The following RASGRF1 variants were observed in gnomAD, a reference collection of about 807,000 sequenced individuals.
RASGRF1 encodes the protein Ras protein specific guanine nucleotide releasing factor 1.
Under a neutral mutation model 138.7 loss-of-function variants are expected in RASGRF1, and 40 were observed. The observed-to-expected ratio is 0.29, with a 90% CI of 0.22 to 0.38. The LOEUF is 0.38. Among genes scored for constraint, RASGRF1 ranks in the 10% least tolerant of loss-of-function variants. The pLI, the probability that RASGRF1 is intolerant of heterozygous loss-of-function variation, is 1.00. For missense variants in RASGRF1, 1,108 were observed against 1,650.4 expected, an observed-to-expected ratio of 0.67 and a Z score of 5.69; for synonymous variants, 614 against 663.2, an observed-to-expected ratio of 0.93 and a Z score of 1.14.
chr15:79,001,941 G>A (rs577412460), intron 15 of RASGRF1, among the ~76,000 whole-genome samples, 154 bp from the exon 16 acceptor site: 6 of 152,238 alleles, frequency 3.9e-5, no homozygotes, highest in East Asian at 3.9e-4. Context: ...TTTGTTTCCC[G>A]CAGGACTCAT....
chr15:79,004,069 A>C lies in RASGRF1; in HGVS notation c.2182T>G (p.Ser728Ala). The C allele has an allele frequency of 6.2e-7, 1 of 1,613,966 alleles. No individual in the cohort carries two copies. ...TRKFSSPPPL[S>A]ITKTSSPSRR... ...CTCGGTGACGATGTCTTGGTGATGG[A>C]CAGAGGTGGCGGCGAGGAGAACTTG... Residue 728 changes from serine (S) to alanine (A), a missense_variant, in exon 15 of 27, where the codon TCC (serine) becomes GCC (alanine). Around this residue, in one of 3 missense-constraint regions of RASGRF1, gnomAD observed 686 missense variants for 976.7 expected, o/e 0.70. Coordinates refer to ENST00000558480, the MANE Select transcript of RASGRF1 (RefSeq NM_001145648.3).
rs181450456 is a variant in RASGRF1 at position 79,071,245 on chromosome 15, C to T, written c.277-6719G>A. Among the ~76,000 whole-genome samples, 15 of 152,332 alleles carry T rather than the reference C, an allele frequency of 9.8e-5. No individual in the cohort carries two copies. In the East Asian group the frequency reaches 2.9e-3, roughly 29 times the overall value. On this transcript the variant is annotated intron_variant, in intron 1 of 26. Transcript: ENST00000558480. ...CCTCTGGCATGGATAGGCCAAAGTTCTAGAAAAACTCCACCTCTTGGCTCT... is the reference window on the plus strand; with the variant it reads ...CCTCTGGCATGGATAGGCCAAAGTTTTAGAAAAACTCCACCTCTTGGCTCT...
At chr15:78,984,739 G>T (rs1411046135) in intron 23 of RASGRF1, 2 of 481,772 alleles carry the variant, frequency 4.2e-6, no homozygotes, top group African/African-American at 3.9e-5. Context: ...GAAAAATGTT[G>T]GGACCAATAA....
intron 26 of RASGRF1, among the ~76,000 whole-genome samples, chr15:78,966,070 C>A (rs1289487462): frequency 6.6e-6 from 1 of 152,012 alleles, no homozygotes; most frequent in Non-Finnish European, 1.5e-5. Flanking sequence ...GGCCAGGGAG[C>A]CATTCTGTAC....
rs1423310273 is a variant in RASGRF1 at position 79,013,720 on chromosome 15, G to A, written c.1826+1607C>T. Reference sequence around the variant, plus strand: ...GTGGGCTCCAGGGTTGGGGCAGGAAGGAGTGTGTGGTGAGGGGGTTAGGCG... The same window carrying A: ...GTGGGCTCCAGGGTTGGGGCAGGAAAGAGTGTGTGGTGAGGGGGTTAGGCG... On this transcript the variant is annotated intron_variant, in intron 13 of 26. Coordinates refer to ENST00000558480, the MANE Select transcript of RASGRF1 (RefSeq NM_001145648.3). Among the ~76,000 whole-genome samples, 6 of 152,168 alleles carry A rather than the reference G, an allele frequency of 3.9e-5. No individual in the cohort carries two copies. In the East Asian group the frequency reaches 1.2e-3, roughly 29 times the overall value.
intron 1 of RASGRF1, among the ~76,000 whole-genome samples, chr15:79,083,003 G>A (rs1403839224): frequency 6.6e-6 from 1 of 152,192 alleles, no homozygotes; most frequent in East Asian, 1.9e-4. Context: ...TTTCCAAACA[G>A]CGTGTAGTTT....
intron 17 of RASGRF1, among the ~76,000 whole-genome samples, 198 bp from the exon 18 acceptor site, chr15:78,999,023 A>T (rs2056456812): frequency 6.6e-6 from 1 of 152,194 alleles, no homozygotes; most frequent in South Asian, 2.1e-4. Flanking sequence ...AACACGGTCC[A>T]TGCATGCCCA....
chr15:79,026,250 T>C (rs1306651846), intron 9 of RASGRF1, among the ~76,000 whole-genome samples: 1 of 152,220 alleles, frequency 6.6e-6, no homozygotes, highest in East Asian at 1.9e-4. Flanking sequence ...ACTCTTACCA[T>C]TGTCCCCTTC....
intron 5 of RASGRF1, among the ~76,000 whole-genome samples, chr15:79,044,977 A>G (rs1181667637): frequency 6.6e-6 from 1 of 152,256 alleles, no homozygotes; most frequent in Non-Finnish European, 1.5e-5. Context: ...AAAAGGTAAC[A>G]AACACAAAAG....
intron 12 of RASGRF1, 120 bp downstream of exon 12, chr15:79,017,650 T>C: frequency 2.4e-6 from 3 of 1,255,416 alleles, no homozygotes. Flanking sequence ...CTTGCATCTT[T>C]CTCTGTAGAA....
chr15:79,004,612 T>C, intron 14 of RASGRF1: 2 of 984,672 alleles, frequency 2.0e-6, no homozygotes, highest in Non-Finnish European at 2.4e-6. Context: ...AAATGACTCA[T>C]CTGATGCCTC....
chr15:79,003,070 G>C (rs866641762), intron 15 of RASGRF1, among the ~76,000 whole-genome samples: 5 of 152,204 alleles, frequency 3.3e-5, no homozygotes, highest in Non-Finnish European at 7.3e-5. Context: ...TGAGAGTAGG[G>C]AGGCTCCAGC....
rs536724682 is a variant in RASGRF1 at position 78,977,263 on chromosome 15, C to T, written c.3494+3357G>A. On this transcript the variant is annotated intron_variant, in intron 24 of 26. Transcript: ENST00000558480. The stretch of plus-strand genomic sequence containing the variant: ...GCTATTCTCTCTTACAAGTTTCTGC[C>T]GGCTGTGGTTGGGGATCTCCTCTCT... 2.9e-4 allele frequency among the ~76,000 whole-genome samples: 44 copies of T among 152,252 alleles called. No individual in the cohort carries two copies. In the East Asian group the frequency reaches 4.2e-3, roughly 15 times the overall value.
chr15:78,992,585 G>A (rs2141663498), intron 20 of RASGRF1, among the ~76,000 whole-genome samples: 1 of 152,184 alleles, frequency 6.6e-6, no homozygotes, highest in African/African-American at 2.4e-5. Context: ...TTGGTCTTGG[G>A]AGGAGCCTGT....
At chr15:78,968,991 C>G (rs2055698613) in intron 26 of RASGRF1, among the ~76,000 whole-genome samples, 1 of 152,146 alleles carries the variant, frequency 6.6e-6, no homozygotes, top group Non-Finnish European at 1.5e-5. Context: ...ATCCACTGAC[C>G]CCCTTTCTTG....
intron 8 of RASGRF1, among the ~76,000 whole-genome samples, 195 bp downstream of exon 8, chr15:79,031,205 C>T (rs2057131347): frequency 6.6e-6 from 1 of 152,178 alleles, no homozygotes; most frequent in African/African-American, 2.4e-5. Flanking sequence ...ACTATTCCTG[C>T]CTACCGGGGC....
intron 19 of RASGRF1, 61 bp from the exon 20 acceptor site, chr15:78,995,861 C>T: frequency 1.9e-6 from 3 of 1,546,154 alleles, no homozygotes; most frequent in Non-Finnish European, 2.7e-6. Flanking sequence ...CCCTCCCCAG[C>T]TCGGACAGCC....
chr15:78,994,741 G>T (rs1300281892), intron 20 of RASGRF1, among the ~76,000 whole-genome samples: 1 of 152,066 alleles, frequency 6.6e-6, no homozygotes, highest in Admixed American at 6.5e-5. Context: ...CTGTCTCTGG[G>T]GTCCCATCAT....
chr15:79,058,853 T>G (rs998462425), intron 2 of RASGRF1, among the ~76,000 whole-genome samples: 1 of 152,198 alleles, frequency 6.6e-6, no homozygotes, highest in African/African-American at 2.4e-5. Context: ...GAATATCAGG[T>G]TTTTAAGTTT....
Sources: gnomAD v4.1 joint callset for allele counts (sites outside exome capture counted in the v4.1 genomes callset) on GRCh38, gnomAD v4.1.1 for gene constraint, gnomAD v4.1.1 regional missense constraint, MANE v1.5 for transcripts, NCBI Gene and HGNC (gene_info 2026-07-23, HGNC 2026-07-21) for gene names.